The following ADPRHL1 variants were observed in gnomAD, a reference collection of about 807,000 sequenced individuals.
ADPRHL1 encodes the protein inactive ADP-ribosyltransferase ARH2.
ADPRHL1 carries 43 observed loss-of-function variants against 44.1 expected under a neutral mutation model. That is an observed-to-expected ratio of 0.98 (90% CI 0.76 to 1.26). The LOEUF (loss-of-function observed/expected upper bound fraction) is 1.26, where lower values mean the gene tolerates loss of function less well. Among genes scored for constraint, ADPRHL1 ranks in the 50% most tolerant of loss-of-function variants. ADPRHL1 has a pLI of 0.00. For synonymous variants in ADPRHL1, 878 were observed against 1,017.4 expected (o/e 0.86, Z 2.61); for missense variants, 2,022 against 2,496.9 (o/e 0.81, Z 4.05).
chr13:113,403,322 T>G lies in ADPRHL1; in HGVS notation c.*56A>C, dbSNP rs2043776515. ...TTTGGAGGCAGGAAAATGCCTGAAG[T>G]CCCTCAATGGGCGGATGTCACAGTG... On this transcript the variant is annotated 3_prime_UTR_variant, in exon 8 of 8. Coordinates refer to ENST00000612156, the MANE Select transcript of ADPRHL1 (RefSeq NM_001394807.1). 5 of 1,224,782 alleles carry G rather than the reference T, an allele frequency of 4.1e-6. No homozygotes were observed. The highest frequency in any genetic ancestry group is 5.1e-6 in the Non-Finnish European group (5 of 981,832). The allele number at this position is 1,224,782 out of a possible 1,614,324, so 75.9% of individuals were successfully genotyped here.
intron 7 of ADPRHL1, among the ~76,000 whole-genome samples, chr13:113,417,721 G>A (rs941272456): frequency 6.6e-6 from 1 of 152,266 alleles, no homozygotes; most frequent in Non-Finnish European, 1.5e-5. Flanking sequence ...ATTTCTGTGT[G>A]TTAACTGGAA....
At chr13:113,412,116 G>C (rs931555299) in intron 7 of ADPRHL1, among the ~76,000 whole-genome samples, 7 of 152,190 alleles carry the variant, frequency 4.6e-5, no homozygotes, top group Non-Finnish European at 1.0e-4. Context: ...GATTCTGGGA[G>C]CCCCCAGCTC....
intron 3 of ADPRHL1, 84 bp from the exon 4 acceptor site, chr13:113,429,176 TC>T: frequency 1.3e-6 from 2 of 1,525,214 alleles, no homozygotes; most frequent in Non-Finnish European, 8.9e-7. Flanking sequence ...TGCGTGGGAC[TC>T]CCGAGGAAGG....
At position 113,405,193 on chromosome 13, in the gene ADPRHL1, C is replaced by T. The variant is rs2043798439; in HGVS notation, c.4089G>A (p.Gln1363=). 1.6e-6 allele frequency: 2 copies of T among 1,231,918 alleles called. No individual in the cohort carries two copies. Among genetic ancestry groups the T allele is most frequent in the Non-Finnish European group, 1.0e-6 (1 of 988,096 alleles). 76.3% of individuals were successfully genotyped at this position (1,231,918 alleles called of 1,614,324 possible). ...LRASVPEPRT[Q]AGESQERPLT... Reference sequence around the variant, plus strand: ...GGGGACGCTCCTGGGATTCACCTGCCTGCGTCCTAGGCTCGGGGACACTGG... The same window carrying T: ...GGGGACGCTCCTGGGATTCACCTGCTTGCGTCCTAGGCTCGGGGACACTGG... The change falls in exon 8 of 8, where the codon CAG becomes CAA. Residue 1363 remains glutamine, a synonymous_variant. Transcript: ENST00000612156.
rs2043808878 is a variant in ADPRHL1 at position 113,406,390 on chromosome 13, A to C, written c.2892T>G (p.Asn964Lys). The C allele has an allele frequency of 8.1e-7, 1 of 1,231,912 alleles. No homozygotes were observed. Among genetic ancestry groups the C allele is most frequent in the South Asian group, 4.1e-5 (1 of 24,316 alleles). 76.3% of individuals were successfully genotyped at this position (1,231,912 alleles called of 1,614,324 possible). Residue 964 changes from asparagine (N) to lysine (K), a missense_variant, in exon 8 of 8, where the codon AAT becomes AAG. By Grantham distance (94) the Asn-to-Lys change is moderately conservative. Coordinates refer to ENST00000612156, the MANE Select transcript of ADPRHL1 (RefSeq NM_001394807.1). ...CGTCAGGATTCCTGGGACCGTGTGA[A>C]TTCTCAAAGCTGCCTTTGTTTTCCT... ...GGKENKGSFE[N>K]SHGPRNPDDI...
intron 1 of ADPRHL1, among the ~76,000 whole-genome samples, chr13:113,451,043 G>A (rs7999130): frequency 0.011 from 1,726 of 152,062 alleles, 40 homozygotes; most frequent in African/African-American, 0.038. Context: ...GGTAACGGGC[G>A]TCTTCCCAGA....
rs1459828261 is a variant in ADPRHL1 at position 113,428,943 on chromosome 13, G to A, written c.646+9C>T. 8 of 1,611,996 alleles carry A rather than the reference G, an allele frequency of 5.0e-6. No individual in the cohort carries two copies. Among genetic ancestry groups the A allele is most frequent in the Admixed American group, 3.3e-5 (2 of 60,016 alleles). On this transcript the variant is annotated intron_variant, in intron 4 of 7. Coordinates refer to ENST00000612156, the MANE Select transcript of ADPRHL1 (RefSeq NM_001394807.1). ...CTGAGTGCGGACTGGGGCCGGGGGA[G>A]CGGCTCACCTGCCGTGTGCCGGATG...
chr13:113,421,947 C>G (rs1334177155), intron 7 of ADPRHL1: 1 of 152,380 alleles, frequency 6.6e-6, no homozygotes, highest in African/African-American at 2.4e-5. Context: ...CGGTAAACAT[C>G]AGTCAACTGC....
intron 7 of ADPRHL1, among the ~76,000 whole-genome samples, chr13:113,408,479 G>A (rs1335037362): frequency 1.3e-5 from 2 of 152,200 alleles, no homozygotes; most frequent in South Asian, 2.1e-4. Flanking sequence ...TCCTCCTAAG[G>A]GCATTGAGGA....
intron 1 of ADPRHL1, among the ~76,000 whole-genome samples, chr13:113,446,250 C>T (rs72666959): frequency 0.16 from 24,541 of 150,434 alleles, 2,004 homozygotes; most frequent in Middle Eastern, 0.27. Context: ...AGCTGCAAAC[C>T]CCCCAGAGAG....
At chr13:113,426,143 C>T (rs1287389042) in intron 4 of ADPRHL1, among the ~76,000 whole-genome samples, 1 of 152,074 alleles carries the variant, frequency 6.6e-6, no homozygotes, top group Admixed American at 6.5e-5. Context: ...CTTAAGAGGT[C>T]ATCTGGCCAA....
chr13:113,417,000 G>A (rs758098688), intron 7 of ADPRHL1, among the ~76,000 whole-genome samples: 1 of 152,186 alleles, frequency 6.6e-6, no homozygotes, highest in Non-Finnish European at 1.5e-5. Context: ...GGGAGTTGTC[G>A]GAGCTAGTTT....
At chr13:113,412,191 T>C (rs988970510) in intron 7 of ADPRHL1, among the ~76,000 whole-genome samples, 1 of 152,206 alleles carries the variant, frequency 6.6e-6, no homozygotes, top group South Asian at 2.1e-4. Flanking sequence ...ATTTGCTTTT[T>C]TTTTGGGACG....
Position 113,403,576 on chromosome 13 carries a change from G to A in ADPRHL1, c.5706C>T (p.Ala1902=). ...CAGGGTGGTCTGGGGACCCCTCCTG[G>A]GCCGGGGCCTGGGGAGTCCCGCAGC... is the stretch of plus-strand genomic sequence containing the variant. ...AGGCGTPQAP[A]QEGSPDHPGA... is the part of the protein sequence containing the mutation. The change falls in exon 8 of 8, where the codon GCC becomes GCT. Residue 1902 remains alanine (A), a synonymous_variant. Coordinates refer to ENST00000612156, the MANE Select transcript of ADPRHL1 (RefSeq NM_001394807.1). The A allele has an allele frequency of 1.5e-5, 18 of 1,231,696 alleles. No homozygotes were observed. Among genetic ancestry groups the A allele is most frequent in the Non-Finnish European group, 1.8e-5 (18 of 987,934 alleles). 76.3% of individuals were successfully genotyped at this position (1,231,696 alleles called of 1,614,324 possible). A position where few individuals can be genotyped will look rare whatever the true frequency, so the allele number is the denominator to read the frequency against.
Position 113,404,629 on chromosome 13 carries a change from G to GTGTCCCTGAGCC in ADPRHL1, c.4641_4652dup (p.Gln1547_Gly1550dup). 7.8e-7 allele frequency: 1 copy of GTGTCCCTGAGCC among 1,281,264 alleles called. No homozygotes were observed. The highest frequency in any genetic ancestry group is 9.8e-7 in the Non-Finnish European group (1 of 1,022,426). 79.4% of individuals were successfully genotyped at this position (1,281,264 alleles called of 1,614,324 possible). ...TCTGCCACTGGGCCTGTTCTTGAGC[G>GTGTCCCTGAGCC]TGTCCCTGAGCCTGTCCCTGGGCCC... is the stretch of plus-strand genomic sequence containing the variant. On this transcript the variant is annotated inframe_insertion, in exon 8 of 8. Transcript: ENST00000612156.
chr13:113,432,266 C>T (rs944720560), intron 3 of ADPRHL1, among the ~76,000 whole-genome samples: 7 of 152,002 alleles, frequency 4.6e-5, no homozygotes, highest in South Asian at 4.2e-4. Context: ...AGGTGCGTGC[C>T]GTCATGCCTG....
chr13:113,422,119 C>G (rs559847774), intron 7 of ADPRHL1: 1 of 152,238 alleles, frequency 6.6e-6, no homozygotes, highest in Non-Finnish European at 1.5e-5. Context: ...AAGGGAAAGG[C>G]CTTCTCTGCA....
chr13:113,424,991 A>C, intron 5 of ADPRHL1, 61 bp downstream of exon 5: 1 of 1,598,612 alleles, frequency 6.3e-7, no homozygotes, highest in Non-Finnish European at 8.6e-7. Flanking sequence ...TCCACTTGCT[A>C]TGCACTTATT....
chr13:113,430,186 T>C (rs1205468626), intron 3 of ADPRHL1, among the ~76,000 whole-genome samples: 3 of 152,182 alleles, frequency 2.0e-5, no homozygotes, highest in Non-Finnish European at 2.9e-5. Flanking sequence ...ATTCCGCTAG[T>C]GTGCAAGCCA....
Sources: gnomAD v4.1 joint callset for allele counts (sites outside exome capture counted in the v4.1 genomes callset) on GRCh38, gnomAD v4.1.1 for gene constraint, MANE v1.5 for transcripts, NCBI Gene and HGNC (gene_info 2026-07-23, HGNC 2026-07-21) for gene names.